Variants in ABCG8 observed in about 807,000 individuals in gnomAD.
The protein encoded by ABCG8 is ATP binding cassette subfamily G member 8.
Under a neutral mutation model 71.3 loss-of-function variants are expected in ABCG8, and 81 were observed. That is an observed-to-expected ratio of 1.14 (90% CI 0.95 to 1.37). ABCG8 has a LOEUF of 1.37. ABCG8 is among the 40% of genes most tolerant of loss of function. The pLI, the probability that ABCG8 is intolerant of heterozygous loss-of-function variation, is 0.00. For synonymous variants in ABCG8, 451 were observed against 354.7 expected (o/e 1.27, Z -3.05); for missense variants, 1,119 against 866.2 (o/e 1.29, Z -3.66).
intron 2 of ABCG8, 33 bp from the exon 3 acceptor site, chr2:43,846,122 C>T: frequency 6.2e-7 from 1 of 1,611,820 alleles, no homozygotes; most frequent in South Asian, 1.1e-5. Flanking sequence ...AACCATTCAG[C>T]TCTCTAAGGA....
intron 3 of ABCG8, among the ~76,000 whole-genome samples, chr2:43,850,349 A>G (rs1281529700): frequency 6.6e-6 from 1 of 152,230 alleles, no homozygotes; most frequent in African/African-American, 2.4e-5. Flanking sequence ...AGGCTCACCG[A>G]AAGTTTTTGG....
At chr2:43,859,180 ACTGT>A (rs148420254) in intron 6 of ABCG8, among the ~76,000 whole-genome samples, 3,514 of 149,322 alleles carry the variant, frequency 0.024, 137 homozygotes, top group African/African-American at 0.082. Context: ...TAGAACTCTG[ACTGT>A]CTATCTGGAT....
intron 6 of ABCG8, among the ~76,000 whole-genome samples, chr2:43,865,525 C>A (rs1485989150): frequency 1.3e-5 from 2 of 151,830 alleles, no homozygotes; most frequent in Non-Finnish European, 2.9e-5. Flanking sequence ...ATGGATAGAA[C>A]TCTGACTATC....
chr2:43,855,584 C>T (rs1027158239), intron 6 of ABCG8, among the ~76,000 whole-genome samples: 12 of 152,318 alleles, frequency 7.9e-5, no homozygotes, highest in African/African-American at 2.6e-4. Flanking sequence ...AGAGAACTCT[C>T]ACTATCTATC....
chr2:43,854,512 A>G (rs1669033999), intron 6 of ABCG8, among the ~76,000 whole-genome samples: 1 of 151,590 alleles, frequency 6.6e-6, no homozygotes, highest in African/African-American at 2.4e-5. Context: ...CTATAGTACC[A>G]GCTACTTGGG....
At chr2:43,865,240 C>T (rs987766415) in intron 6 of ABCG8, among the ~76,000 whole-genome samples, 2 of 144,894 alleles carry the variant, frequency 1.4e-5, no homozygotes, top group African/African-American at 5.2e-5. Context: ...CTCTCACTAT[C>T]TGTCTAGGTA....
chr2:43,844,434 G>T (rs1317010762), intron 1 of ABCG8, 73 bp from the exon 2 acceptor site: 2 of 1,265,844 alleles, frequency 1.6e-6, no homozygotes, highest in Non-Finnish European at 1.1e-6. Flanking sequence ...CTCACCTGTT[G>T]GTTTCCTTCT....
intron 8 of ABCG8, among the ~76,000 whole-genome samples, chr2:43,873,457 G>A (rs150652895): frequency 6.6e-6 from 1 of 152,124 alleles, no homozygotes; most frequent in African/African-American, 2.4e-5. Flanking sequence ...CTCCCAAAAT[G>A]CTGGGATTAC....
intron 6 of ABCG8, among the ~76,000 whole-genome samples, chr2:43,864,282 A>G (rs1572851814): frequency 6.6e-6 from 1 of 151,756 alleles, no homozygotes; most frequent in African/African-American, 2.4e-5. Context: ...ATCTATTTTC[A>G]TAGAATTCTC....
At position 43,852,457 on chromosome 2, in the gene ABCG8, G is replaced by C. The variant is rs1225116809; in HGVS notation, c.665G>C (p.Ser222Thr). The change falls in exon 5 of 13, where the codon AGC (serine) becomes ACC (threonine). Residue 222 changes from serine (S) to threonine (T), a missense_variant. By Grantham distance (58) the Ser-to-Thr change is moderately conservative. Transcript: ENST00000272286. Reference sequence around the variant, plus strand: ...TCGGGGGGTGAGCGCAGGAGAGTCAGCATTGGGGTGCAGCTCCTGTGGAAC... The same window carrying C: ...TCGGGGGGTGAGCGCAGGAGAGTCACCATTGGGGTGCAGCTCCTGTGGAAC... The part of the protein sequence containing the change: ...GLSGGERRRV[S>T]IGVQLLWNPG... The C allele has an allele frequency of 2.5e-6, 4 of 1,613,168 alleles. No homozygotes were observed. In the East Asian group the frequency reaches 8.9e-5, roughly 36 times the overall value.
chr2:43,874,936 G>A (rs1328330437), intron 10 of ABCG8, among the ~76,000 whole-genome samples: 1 of 152,120 alleles, frequency 6.6e-6, no homozygotes, highest in African/African-American at 2.4e-5. Flanking sequence ...GGGGAAACAG[G>A]CTGAACTGCC....
At chr2:43,852,892 A>G (rs957763159) in intron 6 of ABCG8, 24 bp downstream of exon 6, 1 of 1,612,282 alleles carries the variant, frequency 6.2e-7, no homozygotes, top group African/African-American at 1.3e-5. Context: ...GCCAGCAGCC[A>G]GGGCCCTGGC....
chr2:43,873,430 G>C (rs909723689), intron 8 of ABCG8, among the ~76,000 whole-genome samples: 1 of 152,056 alleles, frequency 6.6e-6, no homozygotes, highest in Non-Finnish European at 1.5e-5. Flanking sequence ...GGCCTCAAGC[G>C]ATCCACCTGC....
intron 6 of ABCG8, among the ~76,000 whole-genome samples, chr2:43,868,573 A>G (rs1669618568): frequency 6.6e-6 from 1 of 151,644 alleles, no homozygotes; most frequent in Non-Finnish European, 1.5e-5. Context: ...GCTGGAGAGA[A>G]CTCTCACTAT....
Position 43,872,348 on chromosome 2 carries a change from C to G in ABCG8, c.1211+42C>G, listed in dbSNP as rs115515507. 2,213 of 1,575,766 alleles carry G rather than the reference C, an allele frequency of 1.4e-3. 27 individuals carry two copies. The African/African-American group carries it at 0.026, about 19-fold the overall frequency. On this transcript the variant is annotated intron_variant, in intron 8 of 12. Coordinates refer to ENST00000272286, the MANE Select transcript of ABCG8 (RefSeq NM_022437.3). ...TTATTACTGAACCCGCCCCCCTGCC[C>G]AAGTCTTTGTATATCACATTAAGCC...
chr2:43,874,059 G>A, intron 9 of ABCG8, 73 bp downstream of exon 9: 2 of 1,438,894 alleles, frequency 1.4e-6, no homozygotes, highest in Non-Finnish European at 1.9e-6. Flanking sequence ...GAGCTCCTGG[G>A]GAGCGGGTTT....
chr2:43,858,894 A>G, intron 6 of ABCG8, among the ~76,000 whole-genome samples: 1 of 151,352 alleles, frequency 6.6e-6, no homozygotes, highest in Non-Finnish European at 1.5e-5. Flanking sequence ...AACTCTCACT[A>G]TCTGGATAGA....
At position 43,873,991 on chromosome 2, in the gene ABCG8, G is replaced by A. The variant is rs760828252; in HGVS notation, c.1411+5G>A. 6 of 1,613,766 alleles carry A rather than the reference G, an allele frequency of 3.7e-6. No individual in the cohort carries two copies. Among genetic ancestry groups the A allele is most frequent in the Non-Finnish European group, 5.1e-6 (6 of 1,180,018 alleles). ...TTCTGGATGTCATCTCCAAATGTGA[G>A]TGTGGCCCACTGGCATGGGCAGGCA... On this transcript the variant is annotated splice_donor_5th_base_variant and intron_variant, in intron 9 of 12. Coordinates refer to ENST00000272286, the MANE Select transcript of ABCG8 (RefSeq NM_022437.3).
intron 6 of ABCG8, among the ~76,000 whole-genome samples, chr2:43,865,633 C>T (rs1669503669): frequency 1.3e-5 from 2 of 151,716 alleles, no homozygotes; most frequent in Non-Finnish European, 2.9e-5. Context: ...ATAGAATTCT[C>T]CCTACTGATA....
Sources: gnomAD v4.1 joint callset for allele counts (sites outside exome capture counted in the v4.1 genomes callset) on GRCh38, gnomAD v4.1.1 for gene constraint, MANE v1.5 for transcripts, NCBI Gene and HGNC (gene_info 2026-07-23, HGNC 2026-07-21) for gene names.